The following RNLS variants were observed in gnomAD, a reference collection of about 807,000 sequenced individuals.
RNLS encodes the protein renalase.
A neutral mutation model predicts 39.8 loss-of-function variants in RNLS; 39 were observed. That is an observed-to-expected ratio of 0.98 (90% CI 0.76 to 1.28). RNLS has a LOEUF of 1.28. Ranked by LOEUF, RNLS falls within the 50% of genes most tolerant of loss-of-function variation. The pLI is 0.00. For missense variants in RNLS, 410 were observed against 413.3 expected, an observed-to-expected ratio of 0.99 and a Z score of 0.07; for synonymous variants, 147 against 150.7, an observed-to-expected ratio of 0.98 and a Z score of 0.18.
At chr10:88,510,365 T>G in intron 4 of RNLS, among the ~76,000 whole-genome samples, 1 of 152,258 alleles carries the variant, frequency 6.6e-6, no homozygotes. Context: ...TTTGTTTAAA[T>G]TATTCAAATT....
At chr10:88,204,646 G>T in the RNLS span, among the ~76,000 whole-genome samples, 1 of 152,092 alleles carries the variant, frequency 6.6e-6, no homozygotes, top group Non-Finnish European at 1.5e-5. Context: ...TTACTGAGGT[G>T]GGTATTATTA....
chr10:88,264,028 T>A, the RNLS span, among the ~76,000 whole-genome samples: 37 of 152,198 alleles, frequency 2.4e-4, no homozygotes, highest in African/African-American at 8.2e-4. Context: ...TGACTTTGCA[T>A]CCTCATAGCT....
At chr10:88,351,389 C>A (rs1848696239) in intron 5 of RNLS, among the ~76,000 whole-genome samples, 1 of 152,174 alleles carries the variant, frequency 6.6e-6, no homozygotes, top group African/African-American at 2.4e-5. Flanking sequence ...TTTAATCCAT[C>A]TTGAATTAAT....
chr10:88,384,516 G>A (rs947729034), intron 4 of RNLS, among the ~76,000 whole-genome samples: 8 of 152,214 alleles, frequency 5.3e-5, no homozygotes, highest in African/African-American at 1.9e-4. Context: ...ACCAGTGTAT[G>A]ACCTTGGGAA....
At chr10:88,231,056 A>G in the RNLS span, among the ~76,000 whole-genome samples, 9 of 152,038 alleles carry the variant, frequency 5.9e-5, no homozygotes, top group African/African-American at 9.7e-5. Context: ...CCCACCCTCA[A>G]TTACTGCAAT....
chr10:88,438,309 G>A (rs553564504), intron 4 of RNLS, among the ~76,000 whole-genome samples: 10 of 152,210 alleles, frequency 6.6e-5, no homozygotes, highest in African/African-American at 2.2e-4. Flanking sequence ...CTGGAGCATG[G>A]TGACTTTATT....
At chr10:88,562,071 G>T (rs764556548) in intron 4 of RNLS, among the ~76,000 whole-genome samples, 2 of 50,044 alleles carry the variant, frequency 4.0e-5, no homozygotes, top group Admixed American at 4.1e-4. Flanking sequence ...AGGCAAACAG[G>T]CATTGTCAAA....
intron 4 of RNLS, among the ~76,000 whole-genome samples, chr10:88,381,892 T>C (rs1199862176): frequency 3.3e-5 from 2 of 59,946 alleles, no homozygotes; most frequent in East Asian, 5.6e-4. Flanking sequence ...GATTGAAAAA[T>C]ACAAAAATAA....
chr10:88,541,648 T>A (rs1471307978), intron 4 of RNLS, among the ~76,000 whole-genome samples: 1 of 152,152 alleles, frequency 6.6e-6, no homozygotes, highest in Non-Finnish European at 1.5e-5. Flanking sequence ...AAGAAAATAA[T>A]CGTAACTTCT....
At chr10:88,582,425 T>A (rs1396998054) in intron 1 of RNLS, 118 bp from the exon 2 acceptor site, 1 of 706,790 alleles carries the variant, frequency 1.4e-6, no homozygotes, top group Non-Finnish European at 2.3e-6. Context: ...GAAACTTTTT[T>A]AAGTTGAAGT....
chr10:88,541,823 T>C (rs1308787433), intron 4 of RNLS, among the ~76,000 whole-genome samples: 1 of 152,132 alleles, frequency 6.6e-6, no homozygotes, highest in Non-Finnish European at 1.5e-5. Context: ...AAGGACTTCC[T>C]GCCTTTGAAG....
Position 88,285,204 on chromosome 10 carries a change from A to G in RNLS, c.*150T>C. 2.9e-6 allele frequency: 4 copies of G among 1,356,306 alleles called. No homozygotes were observed. The highest frequency in any genetic ancestry group is 3.2e-5 in the Admixed American group (1 of 30,786). 84.0% of individuals were successfully genotyped at this position (1,356,306 alleles called of 1,614,324 possible). Reference sequence around the variant, plus strand: ...GGGTTGTAACTATCAAAATTACAAAATTGATTTTATACTCCACATGAAAAA... The same window carrying G: ...GGGTTGTAACTATCAAAATTACAAAGTTGATTTTATACTCCACATGAAAAA... On this transcript the variant is annotated 3_prime_UTR_variant, in exon 7 of 7. Transcript: ENST00000331772.
intron 4 of RNLS, among the ~76,000 whole-genome samples, chr10:88,454,337 A>G (rs1842509688): frequency 6.6e-6 from 1 of 152,240 alleles, no homozygotes; most frequent in African/African-American, 2.4e-5. Context: ...GAGGAAATAT[A>G]CAGGATCAAT....
intron 5 of RNLS, among the ~76,000 whole-genome samples, chr10:88,348,193 G>A (rs1001557831): frequency 4.6e-5 from 7 of 152,094 alleles, no homozygotes; most frequent in African/African-American, 1.4e-4. Flanking sequence ...CAGCAGAGAC[G>A]GTGGCCTCTG....
chr10:88,172,842 G>GTTTTTTTTTTTTTTTTTTTTTTTT, the RNLS span, among the ~76,000 whole-genome samples: 31 of 43,774 alleles, frequency 7.1e-4, 13 homozygotes, highest in South Asian at 3.6e-3. Context: ...ATTTTGAGTT[G>GTTTTTTTTTTTTTTTTTTTTTTTT]TTTTTTTTTT....
At chr10:88,171,995 T>C in the RNLS span, among the ~76,000 whole-genome samples, 1 of 152,344 alleles carries the variant, frequency 6.6e-6, no homozygotes, top group East Asian at 1.9e-4. Flanking sequence ...GATTTCATTC[T>C]TTTTTATATC....
At chr10:88,232,447 C>A in the RNLS span, among the ~76,000 whole-genome samples, 4 of 152,138 alleles carry the variant, frequency 2.6e-5, no homozygotes, top group East Asian at 3.8e-4. Context: ...CCCTTTTCTA[C>A]ATCTTTTTCT....
downstream of RNLS, among the ~76,000 whole-genome samples, chr10:88,279,949 A>C (rs993858162): frequency 6.6e-6 from 1 of 152,080 alleles, no homozygotes; most frequent in Admixed American, 6.6e-5. Context: ...TTTTGAAGCA[A>C]CCTAGAGCTT....
At chr10:88,529,794 A>C (rs1419837125) in intron 4 of RNLS, among the ~76,000 whole-genome samples, 1 of 152,192 alleles carries the variant, frequency 6.6e-6, no homozygotes, top group Non-Finnish European at 1.5e-5. Context: ...AACAAATCTG[A>C]ACATTGTTAT....
Sources: gnomAD v4.1 joint callset for allele counts (sites outside exome capture counted in the v4.1 genomes callset) on GRCh38, gnomAD v4.1.1 for gene constraint, MANE v1.5 for transcripts, NCBI Gene and HGNC (gene_info 2026-07-23, HGNC 2026-07-21) for gene names.